Variants in DLC1 observed in about 807,000 individuals in gnomAD.
The protein encoded by DLC1 is DLC1 Rho GTPase activating protein.
DLC1 carries 54 observed loss-of-function variants against 140.3 expected under a neutral mutation model. The ratio of observed to expected loss-of-function variants is 0.38; its 90% confidence interval spans 0.31 to 0.48. The LOEUF is 0.48. Among genes scored for constraint, DLC1 ranks in the 20% least tolerant of loss-of-function variants. The probability of loss-of-function intolerance (pLI) is 0.96; values close to 1 mark genes in which losing one functional copy is unlikely to be tolerated. For missense variants in DLC1, 2,536 were observed against 1,907.0 expected, an observed-to-expected ratio of 1.33 and a Z score of -6.14; for synonymous variants, 986 against 728.1, an observed-to-expected ratio of 1.35 and a Z score of -5.70.
rs879574240 is a variant in DLC1, at chr8:13,090,824, G to A, written c.3856-354C>T. Among the ~76,000 whole-genome samples the A allele has an allele frequency of 7.6e-5, 5 of 65,760 alleles. No homozygotes were observed. In the East Asian group the frequency reaches 1.7e-3, roughly 23 times the overall value. The allele number at this position is 65,760 out of a possible 152,430, so 43.1% of individuals were successfully genotyped here. The stretch of plus-strand genomic sequence containing the variant: ...TTCTTTCTTTCTTTTTTTTTTTTTT[G>A]AGAGAGAGTTTCATTCTGTTACCTA... On this transcript the variant is annotated intron_variant, in intron 14 of 17. Transcript: ENST00000276297.
intron 1 of DLC1, among the ~76,000 whole-genome samples, chr8:13,590,302 C>T (rs1805476379): frequency 6.6e-6 from 1 of 151,844 alleles, no homozygotes; most frequent in Admixed American, 6.6e-5. Context: ...CCCACATCCC[C>T]AGTTTTTTTT....
intron 10 of DLC1, 99 bp from the exon 11 acceptor site, chr8:13,095,344 C>T: frequency 1.4e-6 from 2 of 1,462,774 alleles, no homozygotes; most frequent in Non-Finnish European, 1.9e-6. Flanking sequence ...GGCTCCAGAT[C>T]TGTGCTAATA....
chr8:13,522,664 A>T (rs1392824275), intron 1 of DLC1, among the ~76,000 whole-genome samples: 4 of 151,936 alleles, frequency 2.6e-5, no homozygotes, highest in Admixed American at 6.6e-5. Flanking sequence ...ATATAAAAAT[A>T]AATAAAATAA....
At chr8:13,377,436 G>T (rs896513581) in intron 4 of DLC1, among the ~76,000 whole-genome samples, 1 of 152,160 alleles carries the variant, frequency 6.6e-6, no homozygotes, top group African/African-American at 2.4e-5. Context: ...AAGGAGGACA[G>T]TTATTCAATA....
At chr8:13,516,623 C>T (rs1231236894), upstream of DLC1, among the ~76,000 whole-genome samples, 3 of 152,128 alleles carry the variant, frequency 2.0e-5, no homozygotes, top group African/African-American at 7.2e-5. Context: ...TGGTCAGAAG[C>T]AGCTTTAAAA....
At chr8:13,126,721 C>A (rs1202522736) in intron 5 of DLC1, among the ~76,000 whole-genome samples, 1 of 152,102 alleles carries the variant, frequency 6.6e-6, no homozygotes, top group Non-Finnish European at 1.5e-5. Flanking sequence ...AGTTGGCATA[C>A]AAATAAACTC....
intron 5 of DLC1, among the ~76,000 whole-genome samples, chr8:13,156,513 C>G (rs1042143135): frequency 1.3e-5 from 2 of 152,142 alleles, no homozygotes; most frequent in African/African-American, 2.4e-5. Flanking sequence ...CCTGGCAAAA[C>G]CTATCAAATA....
At chr8:13,555,189 T>A (rs1035297477) in intron 1 of DLC1, among the ~76,000 whole-genome samples, 1 of 152,242 alleles carries the variant, frequency 6.6e-6, no homozygotes, top group African/African-American at 2.4e-5. Flanking sequence ...ACAATGCTCC[T>A]CAGAACTCCA....
At chr8:13,349,679 G>A (rs547317955) in intron 4 of DLC1, among the ~76,000 whole-genome samples, 5 of 152,272 alleles carry the variant, frequency 3.3e-5, no homozygotes, top group Middle Eastern at 3.4e-3. Flanking sequence ...TCCCTAACAC[G>A]AAAGGATTTG....
intron 2 of DLC1, among the ~76,000 whole-genome samples, chr8:13,441,232 A>T (rs1356675298): frequency 3.3e-5 from 5 of 152,244 alleles, no homozygotes; most frequent in Admixed American, 2.0e-4. Flanking sequence ...GCTATCTATG[A>T]CAAACCCACA....
rs189038434 is a variant in DLC1, at chr8:13,564,195, C to T, written c.-126+40342G>A. 2.6e-5 allele frequency among the ~76,000 whole-genome samples: 4 copies of T among 152,092 alleles called. No homozygotes were observed. In the East Asian group the frequency reaches 7.7e-4, roughly 29 times the overall value. On this transcript the variant is annotated intron_variant, in intron 1 of 1. Coordinates refer to the DLC1 transcript ENST00000631382. The stretch of plus-strand genomic sequence containing the variant: ...AAAAAAGATAATAACACCAAAGATG[C>T]AGAAAACAGAATAGAAAGATGGAGA...
chr8:13,489,907 A>T (rs1182364150), intron 2 of DLC1, among the ~76,000 whole-genome samples: 1 of 152,218 alleles, frequency 6.6e-6, no homozygotes, highest in Non-Finnish European at 1.5e-5. Flanking sequence ...AATTCTGGTT[A>T]AAAAATACCA....
At chr8:13,151,438 A>G (rs948812285) in intron 5 of DLC1, among the ~76,000 whole-genome samples, 6 of 152,206 alleles carry the variant, frequency 3.9e-5, no homozygotes, top group Non-Finnish European at 5.9e-5. Context: ...ACAGGTGGTA[A>G]ACAGTAGAAC....
intron 4 of DLC1, among the ~76,000 whole-genome samples, chr8:13,331,959 G>T (rs1263183719): frequency 6.6e-6 from 1 of 152,152 alleles, no homozygotes; most frequent in East Asian, 1.9e-4. Flanking sequence ...AGGGGACAAT[G>T]TATGTAACTT....
At chr8:13,561,771 A>G (rs1171967316) in intron 1 of DLC1, among the ~76,000 whole-genome samples, 2 of 152,226 alleles carry the variant, frequency 1.3e-5, no homozygotes, top group African/African-American at 2.4e-5. Context: ...TAAATTTTAT[A>G]TATGTTTCAT....
intron 12 of DLC1, among the ~76,000 whole-genome samples, chr8:13,093,373 G>C (rs974613883): frequency 3.2e-4 from 49 of 151,920 alleles, no homozygotes; most frequent in African/African-American, 1.2e-3. Flanking sequence ...GTTCTGAATT[G>C]AACTGAACTG....
chr8:13,323,439 G>A (rs979090241), intron 4 of DLC1, among the ~76,000 whole-genome samples: 1 of 152,144 alleles, frequency 6.6e-6, no homozygotes, highest in Non-Finnish European at 1.5e-5. Context: ...TTCTTTCATA[G>A]TAGACAAAAT....
At chr8:13,542,640 C>T (rs1204565390) in intron 1 of DLC1, among the ~76,000 whole-genome samples, 1 of 152,076 alleles carries the variant, frequency 6.6e-6, no homozygotes, top group African/African-American at 2.4e-5. Flanking sequence ...GAGAGCTACA[C>T]ATTTATTTAG....
intron 4 of DLC1, among the ~76,000 whole-genome samples, chr8:13,359,941 C>A (rs1483730207): frequency 1.3e-5 from 2 of 152,134 alleles, no homozygotes; most frequent in African/African-American, 2.4e-5. Flanking sequence ...CAGGGTTTGA[C>A]AGAAATGAGA....
Sources: allele counts gnomAD v4.1 joint callset (sites outside exome capture counted in the v4.1 genomes callset), GRCh38; gene constraint gnomAD v4.1.1; transcripts MANE v1.5; gene names NCBI Gene and HGNC (gene_info 2026-07-23, HGNC 2026-07-21).